Variants in USP32 observed in about 807,000 individuals in gnomAD.
USP32 encodes the protein ubiquitin carboxyl-terminal hydrolase 32.
A neutral mutation model predicts 204.8 loss-of-function variants in USP32; 59 were observed. The ratio of observed to expected loss-of-function variants is 0.29; its 90% CI spans 0.23 to 0.36. The LOEUF (loss-of-function observed/expected upper bound fraction) is 0.36. USP32 is among the 10% of genes least tolerant of loss of function. The pLI is 1.00. For missense variants in USP32, 1,160 were observed against 1,946.4 expected (o/e 0.60, Z 7.60); for synonymous variants, 517 against 678.4 (o/e 0.76, Z 3.70).
At chr17:60,207,951 T>G (rs1394682821) in intron 24 of USP32, 108 bp downstream of exon 24, 1 of 1,435,360 alleles carries the variant, frequency 7.0e-7, no homozygotes. Context: ...TTTCGTTATG[T>G]TTTAGTATCT....
At chr17:60,261,962 C>CA (rs567271850) in intron 9 of USP32, among the ~76,000 whole-genome samples, 60 of 152,224 alleles carry the variant, frequency 3.9e-4, no homozygotes, top group Non-Finnish European at 6.5e-4. Context: ...CAATGATGAT[C>CA]AAAAGCCCAT....
chr17:60,324,231 A>G (rs1204673060), intron 2 of USP32, among the ~76,000 whole-genome samples: 3 of 151,916 alleles, frequency 2.0e-5, no homozygotes, highest in African/African-American at 7.3e-5. Flanking sequence ...GCAATCAGCT[A>G]TGATTGCACC....
upstream of USP32, chr17:60,392,645 T>C (rs982558449): frequency 3.1e-5 from 14 of 449,938 alleles, no homozygotes; most frequent in Admixed American, 7.2e-5. Context: ...AAGGAGTGGG[T>C]AGGCAGGGAG....
At chr17:60,365,178 C>A (rs2089287997) in intron 1 of USP32, among the ~76,000 whole-genome samples, 1 of 151,996 alleles carries the variant, frequency 6.6e-6, no homozygotes, top group South Asian at 2.1e-4. Context: ...AAGCTTATTT[C>A]TTTAAAAATG....
At chr17:60,216,352 A>C (rs1353296644) in intron 16 of USP32, among the ~76,000 whole-genome samples, 2 of 151,456 alleles carry the variant, frequency 1.3e-5, no homozygotes, top group Non-Finnish European at 2.9e-5. Flanking sequence ...TCTAGACAAA[A>C]CTGTGGCTTA....
chr17:60,361,676 T>C (rs567585434), intron 1 of USP32, among the ~76,000 whole-genome samples: 7 of 152,300 alleles, frequency 4.6e-5, no homozygotes, highest in African/African-American at 1.7e-4. Flanking sequence ...TTAAAAATTA[T>C]AGAAGAACCT....
At chr17:60,333,487 C>G (rs780499628) in intron 2 of USP32, among the ~76,000 whole-genome samples, 8 of 152,240 alleles carry the variant, frequency 5.3e-5, no homozygotes, top group Middle Eastern at 3.4e-3. Context: ...GTAGTCCCAG[C>G]TACTTGGGAC....
chr17:60,218,954 A>AACT (rs1443870919), intron 16 of USP32, among the ~76,000 whole-genome samples: 20 of 152,358 alleles, frequency 1.3e-4, no homozygotes, highest in Admixed American at 2.0e-4. Context: ...GCACAGAGCA[A>AACT]GTCTTGCCCG....
intron 2 of USP32, chr17:60,316,361 T>C (rs1039952522): frequency 6.4e-6 from 1 of 155,166 alleles, no homozygotes; most frequent in African/African-American, 2.4e-5. Context: ...AGTGGGAAAA[T>C]GGGGAACGGA....
chr17:60,185,668 C>T lies in USP32; in HGVS notation c.3643-17G>A, dbSNP rs2084232543. 6 of 1,603,854 alleles carry T rather than the reference C, an allele frequency of 3.7e-6. No homozygotes were observed. Among genetic ancestry groups the T allele is most frequent in the African/African-American group, 2.7e-5 (2 of 74,820 alleles). On this transcript the variant is annotated splice_polypyrimidine_tract_variant and intron_variant, in intron 29 of 33. Transcript: ENST00000300896. ...ATCTACAACCTGCAGGTAGAGGGAACAGGAGGAAAGGGGTGCGTGGGAAGG... is the reference window on the plus strand; with the variant it reads ...ATCTACAACCTGCAGGTAGAGGGAATAGGAGGAAAGGGGTGCGTGGGAAGG...
At chr17:60,270,123 G>A (rs1243983788) in intron 6 of USP32, among the ~76,000 whole-genome samples, 1 of 151,954 alleles carries the variant, frequency 6.6e-6, no homozygotes, top group African/African-American at 2.4e-5. Context: ...ATTTCACAAA[G>A]GGAATTTATA....
chr17:60,302,814 T>G (rs2087619619), intron 2 of USP32, among the ~76,000 whole-genome samples: 1 of 152,190 alleles, frequency 6.6e-6, no homozygotes, highest in Non-Finnish European at 1.5e-5. Flanking sequence ...AAAATATTTT[T>G]TAACACTCTC....
chr17:60,389,228 C>A (rs1010236520), intron 1 of USP32, among the ~76,000 whole-genome samples: 5 of 152,124 alleles, frequency 3.3e-5, no homozygotes, highest in African/African-American at 1.2e-4. Flanking sequence ...AAAAGAGGTT[C>A]CAAGACATTT....
chr17:60,372,323 A>T (rs2089456629), intron 1 of USP32, among the ~76,000 whole-genome samples: 1 of 152,216 alleles, frequency 6.6e-6, no homozygotes, highest in South Asian at 2.1e-4. Context: ...ATGCATCGTT[A>T]GGTGATTTCA....
chr17:60,391,910 G>T lies in USP32; in HGVS notation c.30C>A (p.Phe10Leu). The stretch of plus-strand genomic sequence containing the variant: ...TCCTCAGCGCCTCCTCGTAGCTGAG[G>T]AATCCGATCCGTGACTCCTTGGCAC... MGAKESRIGFLSYEEALRRV... is the reference protein window; with the variant it reads MGAKESRIGLLSYEEALRRV... The change falls in exon 1 of 34, where the codon TTC (phenylalanine) becomes TTA (leucine). Residue 10 changes from phenylalanine (F) to leucine (L), a missense_variant. Coordinates refer to ENST00000300896, the MANE Select transcript of USP32 (RefSeq NM_032582.4). 6.2e-7 allele frequency: 1 copy of T among 1,612,168 alleles called. No homozygotes were observed. Among genetic ancestry groups the T allele is most frequent in the Non-Finnish European group, 8.5e-7 (1 of 1,179,292 alleles).
At chr17:60,212,828 A>G (rs2627870) in intron 18 of USP32, among the ~76,000 whole-genome samples, 2 of 151,108 alleles carry the variant, frequency 1.3e-5, no homozygotes, top group Non-Finnish European at 2.9e-5. Context: ...ATCTTGAGTC[A>G]CTGCAACCTC....
chr17:60,248,407 G>A (rs919282899), intron 11 of USP32, among the ~76,000 whole-genome samples: 1 of 152,038 alleles, frequency 6.6e-6, no homozygotes, highest in Non-Finnish European at 1.5e-5. Flanking sequence ...AATAATTTTC[G>A]AGAAATTTTA....
At position 60,228,501 on chromosome 17, in the gene USP32, CTTTTTTT is replaced by C. The variant is rs1018176786; in HGVS notation, c.1240-2277_1240-2271del. Among the ~76,000 whole-genome samples, 7 of 104,116 alleles carry C rather than the reference CTTTTTTT, an allele frequency of 6.7e-5. No homozygotes were observed. The East Asian group carries it at 9.8e-4, about 15-fold the overall frequency. The allele number at this position is 104,116 out of a possible 152,430, so 68.3% of individuals were successfully genotyped here. ...TAAATTAGGTTTCTTTTTTCTTTTTCTTTTTTTTTTTTTTTTTAATTAAAACAAGTTT... is the reference window on the plus strand; with the variant it reads ...TAAATTAGGTTTCTTTTTTCTTTTTCTTTTTTTTTTAATTAAAACAAGTTT... On this transcript the variant is annotated intron_variant, in intron 12 of 33. Coordinates refer to ENST00000300896, the MANE Select transcript of USP32 (RefSeq NM_032582.4).
At chr17:60,342,740 G>A (rs996326867) in intron 2 of USP32, among the ~76,000 whole-genome samples, 21 of 152,236 alleles carry the variant, frequency 1.4e-4, no homozygotes, top group African/African-American at 4.8e-4. Context: ...AGTCAGGCAC[G>A]GGAGAGAATC....
Sources: allele counts gnomAD v4.1 joint callset (sites outside exome capture counted in the v4.1 genomes callset), GRCh38; gene constraint gnomAD v4.1.1; transcripts MANE v1.5; gene names NCBI Gene and HGNC (gene_info 2026-07-23, HGNC 2026-07-21).